Variants in WARS1 observed in about 807,000 individuals in gnomAD.
WARS1 encodes the protein tryptophanyl-tRNA synthetase 1.
Under a neutral mutation model 47.8 loss-of-function variants are expected in WARS1, and 17 were observed. That is an observed-to-expected ratio of 0.36 (90% CI 0.24 to 0.53). The LOEUF is 0.53. Among genes scored for constraint, WARS1 ranks in the 20% least tolerant of loss-of-function variants. The pLI is 0.91. For synonymous variants in WARS1, 208 were observed against 228.1 expected (o/e 0.91, Z 0.79); for missense variants, 434 against 608.0 (o/e 0.71, Z 3.01).
chr14:100,351,462 G>A lies in WARS1; in HGVS notation c.725+2225C>T, dbSNP rs192676399. On this transcript the variant is annotated intron_variant, in intron 6 of 10. Coordinates refer to ENST00000392882, the MANE Select transcript of WARS1 (RefSeq NM_004184.4). ...GAGGTCAGGAGTTCAAGACCAGCCTGGCCAACATGGCAAAACCCATGAGTG... is the reference window on the plus strand; with the variant it reads ...GAGGTCAGGAGTTCAAGACCAGCCTAGCCAACATGGCAAAACCCATGAGTG... 2.4e-4 allele frequency among the ~76,000 whole-genome samples: 36 copies of A among 148,428 alleles called. 1 individual carries two copies. The Middle Eastern group carries it at 0.018, about 73-fold the overall frequency.
At chr14:100,361,575 T>C in intron 3 of WARS1, 133 bp downstream of exon 3, 1 of 807,972 alleles carries the variant, frequency 1.2e-6, no homozygotes, top group Non-Finnish European at 1.9e-6. Context: ...GATTTTAGTA[T>C]CCATTTTTTC....
chr14:100,366,518 A>T, intron 2 of WARS1: 1 of 478,806 alleles, frequency 2.1e-6, no homozygotes, highest in Non-Finnish European at 3.8e-6. Flanking sequence ...ACAAATTAAG[A>T]TGGAAGAAAC....
At chr14:100,348,644 C>T (rs955381364) in intron 6 of WARS1, among the ~76,000 whole-genome samples, 1 of 152,158 alleles carries the variant, frequency 6.6e-6, no homozygotes, top group African/African-American at 2.4e-5. Flanking sequence ...CTGGGCACCG[C>T]AGCAGGACTC....
intron 10 of WARS1, among the ~76,000 whole-genome samples, chr14:100,336,634 T>C (rs1334119787): frequency 6.6e-6 from 1 of 152,244 alleles, no homozygotes; most frequent in African/African-American, 2.4e-5. Context: ...GGGCTCTTTG[T>C]ACCCAGTACC....
chr14:100,334,756 G>A lies in WARS1; in HGVS notation c.*119C>T. On this transcript the variant is annotated 3_prime_UTR_variant, in exon 11 of 11. Transcript: ENST00000392882. ...TGATAACATACACAGGCTTACAGAG[G>A]CCAGGCCCAGTAATTACCATGAGAC... 8.3e-7 allele frequency: 1 copy of A among 1,199,796 alleles called. No individual in the cohort carries two copies. The highest frequency in any genetic ancestry group is 1.2e-6 in the Non-Finnish European group (1 of 846,696). The allele number at this position is 1,199,796 out of a possible 1,614,324, so 74.3% of individuals were successfully genotyped here.
At chr14:100,346,699 T>G in intron 7 of WARS1, 47 bp downstream of exon 7, 1 of 1,464,590 alleles carries the variant, frequency 6.8e-7, no homozygotes, top group Non-Finnish European at 9.6e-7. Context: ...CTCTGCTCCT[T>G]TTTGAAGGGT....
At chr14:100,367,039 A>G (rs1896041033) in intron 2 of WARS1, 7 of 764,628 alleles carry the variant, frequency 9.2e-6, no homozygotes, top group Non-Finnish European at 1.4e-5. Flanking sequence ...TAATACAGTA[A>G]AATAAGATTA....
intron 1 of WARS1, among the ~76,000 whole-genome samples, chr14:100,372,591 G>A (rs1049966129): frequency 7.2e-5 from 11 of 152,144 alleles, no homozygotes; most frequent in African/African-American, 2.7e-4. Context: ...GCAACAAGCT[G>A]AGCAAATCAG....
At position 100,369,827 on chromosome 14, in the gene WARS1, C is replaced by T. The variant is rs142825750; in HGVS notation, c.-73-569G>A. 4.3e-4 allele frequency among the ~76,000 whole-genome samples: 65 copies of T among 152,012 alleles called. 1 individual carries two copies. The East Asian group carries it at 7.9e-3, about 19-fold the overall frequency. On this transcript the variant is annotated intron_variant, in intron 1 of 10. Transcript: ENST00000392882. Reference sequence around the variant, plus strand: ...TGAGGCTGCCTGCCACCATGCCCAGCGAATTTTTGTATTTTTAGTAGAGGG... The same window carrying T: ...TGAGGCTGCCTGCCACCATGCCCAGTGAATTTTTGTATTTTTAGTAGAGGG...
intron 2 of WARS1, 32 bp from the exon 3 acceptor site, chr14:100,361,953 G>A (rs1165010384): frequency 1.2e-6 from 2 of 1,607,034 alleles, no homozygotes; most frequent in Non-Finnish European, 1.7e-6. Context: ...ATGGCTAAAA[G>A]TATTACTAAT....
At chr14:100,340,270 G>T (rs1894074304) in intron 9 of WARS1, 1 of 152,558 alleles carries the variant, frequency 6.6e-6, no homozygotes, top group African/African-American at 2.4e-5. Flanking sequence ...ATGGAGGGCT[G>T]ACTTGGGGGT....
chr14:100,360,595 T>G lies in WARS1; in HGVS notation c.381A>C (p.Arg127Ser). Residue 127 changes from arginine (R) to serine (S), a missense_variant, in exon 4 of 11, where the codon AGA becomes AGC. Arg to Ser is a moderately radical substitution (Grantham distance 110). Coordinates refer to ENST00000392882, the MANE Select transcript of WARS1 (RefSeq NM_004184.4). ...INRIERATGQRPHHFLRRGIF... is the reference protein window; with the variant it reads ...INRIERATGQSPHHFLRRGIF... ...TGCCTCTGCGCAGGAAGTGGTGTGG[T>G]CTTTGGCCGGTGGCTCTCTCTATTC... The G allele has an allele frequency of 6.2e-7, 1 of 1,613,860 alleles. No homozygotes were observed. The highest frequency in any genetic ancestry group is 8.5e-7 in the Non-Finnish European group (1 of 1,179,786).
intron 1 of WARS1, among the ~76,000 whole-genome samples, chr14:100,370,107 T>G (rs1896255091): frequency 6.6e-6 from 1 of 152,212 alleles, no homozygotes; most frequent in Non-Finnish European, 1.5e-5. Flanking sequence ...GGACAGGGCC[T>G]TACCTGTCCT....
intron 4 of WARS1, among the ~76,000 whole-genome samples, chr14:100,360,344 T>G (rs1384211641): frequency 6.6e-6 from 1 of 152,202 alleles, no homozygotes; most frequent in Non-Finnish European, 1.5e-5. Flanking sequence ...GTGGGCAGTC[T>G]ACAAATGAAA....
chr14:100,345,696 T>C (rs1894565496), intron 7 of WARS1, among the ~76,000 whole-genome samples: 2 of 152,038 alleles, frequency 1.3e-5, no homozygotes. Flanking sequence ...AAAGAAGTTA[T>C]GATGAATGTA....
intron 7 of WARS1, among the ~76,000 whole-genome samples, chr14:100,345,655 C>G (rs1292643384): frequency 1.4e-5 from 1 of 72,958 alleles, no homozygotes; most frequent in African/African-American, 3.4e-5. Context: ...CAAGAATGAT[C>G]AATAAAAATA....
intron 7 of WARS1, among the ~76,000 whole-genome samples, chr14:100,345,113 C>T (rs1461246330): frequency 1.7e-3 from 252 of 149,370 alleles, no homozygotes; most frequent in Non-Finnish European, 2.9e-3. Context: ...TCTGCCCGGC[C>T]GCCCCTACTG....
At chr14:100,344,846 G>GC (rs1894445681) in intron 7 of WARS1, among the ~76,000 whole-genome samples, 1 of 150,378 alleles carries the variant, frequency 6.6e-6, no homozygotes, top group African/African-American at 2.5e-5. Context: ...CCTCCGCCCG[G>GC]CAACCGCCCG....
chr14:100,339,819 C>A (rs1894038212), intron 9 of WARS1: 1 of 152,006 alleles, frequency 6.6e-6, no homozygotes, highest in Admixed American at 6.6e-5. Flanking sequence ...CTTCCAGGGG[C>A]AGTTTGAAGA....
Sources: allele counts gnomAD v4.1 joint callset (sites outside exome capture counted in the v4.1 genomes callset), GRCh38; gene constraint gnomAD v4.1.1; transcripts MANE v1.5; gene names NCBI Gene and HGNC (gene_info 2026-07-23, HGNC 2026-07-21).